SRGAP2C: variants seen among roughly 807,000 people sequenced by gnomAD.
SRGAP2C encodes the protein SLIT-ROBO Rho GTPase activating protein 2C.
Under a neutral mutation model 25.1 loss-of-function variants are expected in SRGAP2C, and 15 were observed. That is an observed-to-expected ratio of 0.60 (90% CI 0.40 to 0.92). The LOEUF (loss-of-function observed/expected upper bound fraction) is 0.92. Among genes scored for constraint, SRGAP2C ranks in the 40% least tolerant of loss-of-function variants. The pLI, the probability that SRGAP2C is intolerant of heterozygous loss-of-function variation, is 0.00. For missense variants in SRGAP2C, 144 were observed against 264.4 expected, an observed-to-expected ratio of 0.54 and a Z score of 3.16; for synonymous variants, 44 against 96.6, an observed-to-expected ratio of 0.46 and a Z score of 3.19.
intron 6 of SRGAP2C, 109 bp from the exon 7 acceptor site, chr1:121,374,716 AG>A (rs1553352509): frequency 3.2e-6 from 2 of 634,428 alleles, no homozygotes; most frequent in African/African-American, 3.7e-5. Flanking sequence ...AGATGCGCAT[AG>A]GGAGTAGCAA....
chr1:121,329,467 T>G (rs1402724625), intron 4 of SRGAP2C, among the ~76,000 whole-genome samples: 1 of 134,962 alleles, frequency 7.4e-6, no homozygotes, highest in African/African-American at 2.8e-5. Flanking sequence ...ACATCAACAT[T>G]GGATTGTTTT....
rs1274118024 is a variant in SRGAP2C, at chr1:121,265,835, G to A, written c.68-18968G>A. ...TTTGAAATACTAAAGATTTAATCAG[G>A]TAAATGTAACCTAGTGATCTGGTGA... On this transcript the variant is annotated intron_variant, in intron 2 of 9. Coordinates refer to ENST00000367123, the MANE Select transcript of SRGAP2C (RefSeq NM_001329984.2). Among the ~76,000 whole-genome samples the A allele has an allele frequency of 2.0e-5, 3 of 151,758 alleles. No individual in the cohort carries two copies. In the East Asian group the frequency reaches 5.8e-4, roughly 29 times the overall value.
intron 4 of SRGAP2C, among the ~76,000 whole-genome samples, chr1:121,329,785 T>G (rs1658395330): frequency 6.6e-6 from 1 of 152,072 alleles, no homozygotes; most frequent in Non-Finnish European, 1.5e-5. Flanking sequence ...TGGAGATTCC[T>G]TTAGCTAAAT....
At chr1:121,249,581 T>TAA (rs1491546962) in intron 2 of SRGAP2C, among the ~76,000 whole-genome samples, 1 of 13,154 alleles carries the variant, frequency 7.6e-5, no homozygotes, top group East Asian at 2.6e-3. Context: ...TATATATATA[T>TAA]TTTTTTTTTT....
intron 2 of SRGAP2C, among the ~76,000 whole-genome samples, chr1:121,253,992 A>G (rs1212025280): frequency 1.3e-5 from 2 of 151,658 alleles, no homozygotes; most frequent in African/African-American, 4.8e-5. Flanking sequence ...GGCTCTCTGC[A>G]GTCTCAACCT....
intron 2 of SRGAP2C, among the ~76,000 whole-genome samples, chr1:121,267,203 T>A (rs1480437707): frequency 2.7e-5 from 4 of 150,646 alleles, no homozygotes; most frequent in Admixed American, 2.0e-4. Context: ...ATCATCACAC[T>A]TTTTTTTGGA....
intron 3 of SRGAP2C, among the ~76,000 whole-genome samples, chr1:121,307,292 G>A (rs1223949964): frequency 1.3e-5 from 2 of 151,062 alleles, no homozygotes; most frequent in African/African-American, 4.9e-5. Flanking sequence ...CTCTTCTACT[G>A]TTGCCTACTT....
At chr1:121,353,492 G>A (rs1658977919) in intron 4 of SRGAP2C, among the ~76,000 whole-genome samples, 1 of 131,454 alleles carries the variant, frequency 7.6e-6, no homozygotes, top group African/African-American at 2.8e-5. Flanking sequence ...CAACCCTGTG[G>A]GGTTTTAAAT....
At chr1:121,346,935 C>T (rs1327584865) in intron 4 of SRGAP2C, among the ~76,000 whole-genome samples, 2 of 152,100 alleles carry the variant, frequency 1.3e-5, no homozygotes, top group African/African-American at 4.8e-5. Flanking sequence ...CATTTGACTC[C>T]TTCTGGCCCA....
At chr1:121,268,522 G>A (rs1447985925) in intron 2 of SRGAP2C, among the ~76,000 whole-genome samples, 2 of 148,856 alleles carry the variant, frequency 1.3e-5, no homozygotes, top group African/African-American at 2.4e-5. Flanking sequence ...AGACCAGTTA[G>A]GAGCTACCAC....
intron 4 of SRGAP2C, among the ~76,000 whole-genome samples, chr1:121,350,530 CTATGTTTAA>C (rs1658873981): frequency 6.6e-6 from 1 of 151,722 alleles, no homozygotes; most frequent in Non-Finnish European, 1.5e-5. Flanking sequence ...TTTAAATTAA[CTATGTTTAA>C]TATGTTTATG....
At chr1:121,381,483 T>G (rs1389500516) in intron 7 of SRGAP2C, among the ~76,000 whole-genome samples, 3 of 151,420 alleles carry the variant, frequency 2.0e-5, no homozygotes, top group Non-Finnish European at 4.4e-5. Flanking sequence ...TGAGGTTTCT[T>G]CTCAGGACCC....
intron 3 of SRGAP2C, among the ~76,000 whole-genome samples, chr1:121,288,375 T>C (rs1657421519): frequency 7.2e-6 from 1 of 139,408 alleles, no homozygotes; most frequent in Non-Finnish European, 1.5e-5. Context: ...TTGGTGTATT[T>C]ACAATCTCTG....
chr1:121,328,964 C>T (rs1234102382), intron 4 of SRGAP2C, among the ~76,000 whole-genome samples: 17 of 130,970 alleles, frequency 1.3e-4, no homozygotes, highest in South Asian at 2.5e-4. Context: ...GTAATCGCAG[C>T]GCTTTGGGAG....
chr1:121,375,925 T>C (rs1553353045), intron 7 of SRGAP2C, among the ~76,000 whole-genome samples: 1 of 151,620 alleles, frequency 6.6e-6, no homozygotes, highest in Admixed American at 6.6e-5. Flanking sequence ...GGCCCATTTT[T>C]AAAAATATGT....
At chr1:121,295,543 G>A (rs1657576841) in intron 3 of SRGAP2C, among the ~76,000 whole-genome samples, 1 of 152,008 alleles carries the variant, frequency 6.6e-6, no homozygotes, top group Non-Finnish European at 1.5e-5. Context: ...TACTCCTAGA[G>A]CTTACAGTCT....
chr1:121,259,867 T>A (rs1161254965), intron 2 of SRGAP2C, among the ~76,000 whole-genome samples: 4 of 131,688 alleles, frequency 3.0e-5, no homozygotes, highest in Admixed American at 7.9e-5. Context: ...TTTTTTTTTT[T>A]AAAGAGACAA....
At chr1:121,201,979 T>C (rs1654995682) in intron 2 of SRGAP2C, among the ~76,000 whole-genome samples, 1 of 152,138 alleles carries the variant, frequency 6.6e-6, no homozygotes, top group Admixed American at 6.5e-5. Flanking sequence ...TGACAGAGTA[T>C]TTAAATACAT....
intron 3 of SRGAP2C, among the ~76,000 whole-genome samples, chr1:121,293,035 G>A (rs1471918144): frequency 9.6e-6 from 1 of 104,282 alleles, no homozygotes; most frequent in Non-Finnish European, 1.9e-5. Flanking sequence ...GGGCTTTAGG[G>A]AGGTCAAGTT....
Sources: gnomAD v4.1 joint callset for allele counts (sites outside exome capture counted in the v4.1 genomes callset) on GRCh38, gnomAD v4.1.1 for gene constraint, MANE v1.5 for transcripts, NCBI Gene and HGNC (gene_info 2026-07-23, HGNC 2026-07-21) for gene names.